Variants in MKS1 observed in about 807,000 individuals in gnomAD.
MKS1 encodes tectonic-like complex member MKS1.
In MKS1, 70 loss-of-function variants were observed where a neutral mutation model predicts 83.7. The ratio of observed to expected loss-of-function variants is 0.84; its 90% CI spans 0.69 to 1.02. The LOEUF (loss-of-function observed/expected upper bound fraction) is 1.02, where lower values mean the gene tolerates loss of function less well. MKS1 is among the 50% of genes least tolerant of loss of function. The pLI is 0.00. For synonymous variants in MKS1, 251 were observed against 273.4 expected, an observed-to-expected ratio of 0.92 and a Z score of 0.81; for missense variants, 681 against 726.9, an observed-to-expected ratio of 0.94 and a Z score of 0.73.
Position 58,206,143 on chromosome 17 carries a change from A to C in MKS1, c.1616T>G (p.Met539Arg). 1 of 1,613,866 alleles carries C rather than the reference A, an allele frequency of 6.2e-7. No individual in the cohort carries two copies. Among genetic ancestry groups the C allele is most frequent in the Non-Finnish European group, 8.5e-7 (1 of 1,179,952 alleles). ...CGGGAGGCTTTCCCGGGCCTCCTGC[A>C]TGCGGCGCCGGGCTCGACGGAAGGC... is the stretch of plus-strand genomic sequence containing the variant. ...LEAFRRARRR[M>R]QEARESLPQD... Residue 539 changes from methionine (M) to arginine (R), a missense_variant, in exon 18 of 18, where the codon ATG becomes AGG. Physicochemically the swap from Met to Arg is moderately conservative, Grantham distance 91. This residue lies in a region of MKS1 where 310 missense variants were observed against 321.7 expected (regional missense o/e 0.96). Coordinates refer to ENST00000393119, the MANE Select transcript of MKS1 (RefSeq NM_017777.4).
At chr17:58,206,951 G>T in intron 15 of MKS1, 134 bp downstream of exon 15, 1 of 1,327,906 alleles carries the variant, frequency 7.5e-7, no homozygotes, top group Non-Finnish European at 1.1e-6. Flanking sequence ...ATGACTTCCA[G>T]CTTAAGCCAC....
At chr17:58,208,819 A>ACAGTGTTTG (rs917707807) in intron 11 of MKS1, among the ~76,000 whole-genome samples, 10 of 152,246 alleles carry the variant, frequency 6.6e-5, no homozygotes, top group Non-Finnish European at 1.2e-4. Flanking sequence ...GCGGCCTTCC[A>ACAGTGTTTG]CAGTGTTTGT....
chr17:58,206,004 G>T lies in MKS1; in HGVS notation c.*75C>A, dbSNP rs35184412. On this transcript the variant is annotated 3_prime_UTR_variant, in exon 18 of 18. Coordinates refer to ENST00000393119, the MANE Select transcript of MKS1 (RefSeq NM_017777.4). The stretch of plus-strand genomic sequence containing the variant: ...CAACGTGGTCTCTAATCAGAAAGAC[G>T]AAGAGGCAGGAGAGCACTGGCCTCA... 22 of 1,550,198 alleles carry T rather than the reference G, an allele frequency of 1.4e-5. No individual in the cohort carries two copies. Among genetic ancestry groups the T allele is most frequent in the Non-Finnish European group, 1.6e-5 (18 of 1,149,668 alleles).
At position 58,210,973 on chromosome 17, in the gene MKS1, C is replaced by T; in HGVS notation, c.958+7G>A. ...CATCAAGAGATCTATGCTAGCAAGACACTTACCGACCTCTCCATTTACAAA... is the reference window on the plus strand; with the variant it reads ...CATCAAGAGATCTATGCTAGCAAGATACTTACCGACCTCTCCATTTACAAA... On this transcript the variant is annotated splice_region_variant and intron_variant, in intron 10 of 17. Coordinates refer to ENST00000393119, the MANE Select transcript of MKS1 (RefSeq NM_017777.4). The T allele has an allele frequency of 6.2e-7, 1 of 1,613,736 alleles. No homozygotes were observed. Among genetic ancestry groups the T allele is most frequent in the Non-Finnish European group, 8.5e-7 (1 of 1,179,700 alleles).
rs545804898 is a variant in MKS1 at position 58,208,368 on chromosome 17, C to T, written c.1095+145G>A. 1,419 of 1,023,034 alleles carry T rather than the reference C, an allele frequency of 1.4e-3. 1 individual carries two copies. The highest frequency in any genetic ancestry group is 1.9e-3 in the Non-Finnish European group (1,278 of 669,864). The allele number at this position is 1,023,034 out of a possible 1,614,324, so 63.4% of individuals were successfully genotyped here. On this transcript the variant is annotated intron_variant, in intron 12 of 17. Transcript: ENST00000393119. ...AAAAAGACAGACAGGATCTCCGGAC[C>T]AGGTGGCCCTGTAGAACCCACACAC...
intron 11 of MKS1, 121 bp from the exon 12 acceptor site, chr17:58,208,704 T>C: frequency 2.1e-6 from 2 of 952,634 alleles, no homozygotes; most frequent in Non-Finnish European, 3.2e-6. Context: ...TCTTGGGTGT[T>C]TCTCGGAGAG....
At chr17:58,215,910 C>G in intron 4 of MKS1, 178 bp downstream of exon 4, 2 of 757,292 alleles carry the variant, frequency 2.6e-6, no homozygotes, top group Non-Finnish European at 4.5e-6. Flanking sequence ...GCCTCACCAC[C>G]TGTAGACTGT....
chr17:58,208,086 C>T lies in MKS1; in HGVS notation c.1165+19G>A. 6.2e-7 allele frequency: 1 copy of T among 1,611,436 alleles called. No individual in the cohort carries two copies. The highest frequency in any genetic ancestry group is 1.7e-5 in the Admixed American group (1 of 60,010). On this transcript the variant is annotated intron_variant, in intron 13 of 17. Transcript: ENST00000393119. ...CTTGAGGGGAACCAAGGCCCAGGAT[C>T]AACTGCTGAGCTACTCACCAGAAGA...
intron 8 of MKS1, 48 bp from the exon 9 acceptor site, chr17:58,212,482 C>T (rs367870128): frequency 2.5e-6 from 4 of 1,595,622 alleles, no homozygotes; most frequent in Non-Finnish European, 3.4e-6. Flanking sequence ...CCAAGCTAGA[C>T]CAAAGTTCAG....
rs3213698 is a variant in MKS1 at position 58,212,184 on chromosome 17, T to C, written c.915+194A>G. 0.53 allele frequency among the ~76,000 whole-genome samples: 79,905 copies of C among 152,018 alleles called. 23,343 individuals are homozygous for C. Among genetic ancestry groups the C allele is most frequent in the African/African-American group, 0.79 (32,896 of 41,474 alleles). ...TGCATAGCCTTTCAGACCTTTTTCT[T>C]AGCATTAACAGTTCTCTATCAACAT... On this transcript the variant is annotated intron_variant, in intron 9 of 17. Coordinates refer to ENST00000393119, the MANE Select transcript of MKS1 (RefSeq NM_017777.4).
intron 9 of MKS1, 55 bp downstream of exon 9, chr17:58,212,323 C>A (rs996863158): frequency 3.4e-5 from 54 of 1,602,756 alleles, no homozygotes; most frequent in Middle Eastern, 1.7e-4. Flanking sequence ...CATCCACAGT[C>A]AGAATGCTCC....
At position 58,207,129 on chromosome 17, in the gene MKS1, C is replaced by G. The variant is rs199927741; in HGVS notation, c.1363G>C (p.Glu455Gln). 3.2e-5 allele frequency: 51 copies of G among 1,614,090 alleles called. No individual in the cohort carries two copies. In the African/African-American group the frequency reaches 6.5e-4, roughly 21 times the overall value. ...CGTACATAGGAGAGGTCCTCCAGTT[C>G]CAGAGAACCGCCAATGAAAAACCTC... The part of the protein sequence containing the change: ...LRRFFIGGSL[E>Q]LEDLSYVRIP... The change falls in exon 15 of 18, where the codon GAA becomes CAA. Residue 455 changes from glutamate to glutamine, a missense_variant. By Grantham distance (29) the Glu-to-Gln change is conservative (BLOSUM62 2). Coordinates refer to ENST00000393119, the MANE Select transcript of MKS1 (RefSeq NM_017777.4).
intron 11 of MKS1, 66 bp from the exon 12 acceptor site, chr17:58,208,649 A>C: frequency 2.1e-6 from 3 of 1,443,626 alleles, no homozygotes; most frequent in East Asian, 4.6e-5. Context: ...AGAAAAAGAC[A>C]GTTTCTTTTT....
chr17:58,213,946 G>A, intron 6 of MKS1, 77 bp from the exon 7 acceptor site: 1 of 1,260,448 alleles, frequency 7.9e-7, no homozygotes, highest in Non-Finnish European at 1.2e-6. Context: ...GCCCACTGCA[G>A]GGGAGAGAAC....
intron 15 of MKS1, 88 bp from the exon 16 acceptor site, chr17:58,206,635 A>C (rs1294952031): frequency 1.5e-6 from 2 of 1,304,284 alleles, no homozygotes; most frequent in African/African-American, 1.5e-5. Flanking sequence ...TCTTATTCCC[A>C]TTCTTGGGAA....
At position 58,205,866 on chromosome 17, in the gene MKS1, G is replaced by T. The variant is rs751103496; in HGVS notation, c.*213C>A. 4.9e-6 allele frequency: 7 copies of T among 1,436,914 alleles called. No individual in the cohort carries two copies. Among genetic ancestry groups the T allele is most frequent in the African/African-American group, 1.4e-5 (1 of 69,868 alleles). The allele number at this position is 1,436,914 out of a possible 1,614,324, so 89.0% of individuals were successfully genotyped here. A position where few individuals can be genotyped will look rare whatever the true frequency, so the allele number is the denominator to read the frequency against. ...ATTGACAGTGGCTGCAAATATAAAG[G>T]GGGGGCCACAGGGTCTCTGGCTTTA... On this transcript the variant is annotated 3_prime_UTR_variant, in exon 18 of 18. Coordinates refer to ENST00000393119, the MANE Select transcript of MKS1 (RefSeq NM_017777.4).
At chr17:58,216,396 C>T (rs1387381472) in intron 3 of MKS1, among the ~76,000 whole-genome samples, 153 bp from the exon 4 acceptor site, 1 of 152,118 alleles carries the variant, frequency 6.6e-6, no homozygotes, top group Non-Finnish European at 1.5e-5. Context: ...GCAGGGGAAC[C>T]AAGAACATTA....
At chr17:58,212,585 G>A (rs1272737521) in intron 8 of MKS1, 151 bp from the exon 9 acceptor site, 3 of 852,580 alleles carry the variant, frequency 3.5e-6, no homozygotes, top group Non-Finnish European at 5.8e-6. Flanking sequence ...CCGTGAAGCA[G>A]AGGCCCTGGA....
chr17:58,211,856 G>A (rs534965348), intron 9 of MKS1, among the ~76,000 whole-genome samples: 69 of 151,220 alleles, frequency 4.6e-4, no homozygotes, highest in Non-Finnish European at 6.3e-4. Flanking sequence ...ATGCGCCACC[G>A]CATCAGGCCT....
Sources: gnomAD v4.1 joint callset for allele counts (sites outside exome capture counted in the v4.1 genomes callset) on GRCh38, gnomAD v4.1.1 for gene constraint, gnomAD v4.1.1 regional missense constraint, MANE v1.5 for transcripts, NCBI Gene and HGNC (gene_info 2026-07-23, HGNC 2026-07-21) for gene names.